The following ARHGAP32 variants were observed in gnomAD, a reference collection of about 807,000 sequenced individuals.
ARHGAP32 encodes rho GTPase-activating protein 32.
In ARHGAP32, 51 loss-of-function variants were observed where a neutral mutation model predicts 186.5. The observed-to-expected ratio is 0.27, with a 90% CI of 0.22 to 0.35. The LOEUF (loss-of-function observed/expected upper bound fraction) is 0.35, where lower values mean the gene tolerates loss of function less well. Among genes scored for constraint, ARHGAP32 ranks in the 10% least tolerant of loss-of-function variants. The probability of loss-of-function intolerance (pLI) is 1.00; values close to 1 mark genes in which losing one functional copy is unlikely to be tolerated. For synonymous variants in ARHGAP32, 950 were observed against 964.3 expected (o/e 0.99, Z 0.27); for missense variants, 2,186 against 2,623.5 (o/e 0.83, Z 3.64).
intron 1 of ARHGAP32, among the ~76,000 whole-genome samples, chr11:129,183,232 G>A (rs983074704): frequency 6.6e-6 from 1 of 151,944 alleles, no homozygotes; most frequent in East Asian, 1.9e-4. Flanking sequence ...TAATTACTGA[G>A]ACTAAGACTT....
intron 10 of ARHGAP32, among the ~76,000 whole-genome samples, chr11:129,043,381 C>CTTTTTTTTTTT (rs1213682729): frequency 2.9e-5 from 3 of 103,352 alleles, no homozygotes; most frequent in Non-Finnish European, 5.6e-5. Flanking sequence ...TTCTTTTTTT[C>CTTTTTTTTTTT]TTTTTTTTTT....
intron 9 of ARHGAP32, among the ~76,000 whole-genome samples, chr11:129,063,292 G>A (rs1033252951): frequency 1.3e-5 from 2 of 152,026 alleles, no homozygotes; most frequent in Admixed American, 6.6e-5. Flanking sequence ...GCAGTAAAAA[G>A]TTATACTGTT....
At chr11:129,142,527 T>C (rs372530661) in intron 2 of ARHGAP32, among the ~76,000 whole-genome samples, 8 of 152,196 alleles carry the variant, frequency 5.3e-5, no homozygotes, top group African/African-American at 1.9e-4. Context: ...AATACTAAAT[T>C]TGTACTGTCA....
intron 5 of ARHGAP32, among the ~76,000 whole-genome samples, chr11:129,117,982 A>G (rs1942417566): frequency 6.6e-6 from 1 of 152,170 alleles, no homozygotes; most frequent in African/African-American, 2.4e-5. Flanking sequence ...TTTAAACTAC[A>G]TGTGGCTTTA....
At chr11:129,098,302 C>T (rs1057501634) in intron 5 of ARHGAP32, among the ~76,000 whole-genome samples, 1 of 152,138 alleles carries the variant, frequency 6.6e-6, no homozygotes, top group Admixed American at 6.5e-5. Flanking sequence ...TTATAAAAGC[C>T]TGTATTACTG....
chr11:129,094,452 G>A (rs79361731), intron 5 of ARHGAP32, among the ~76,000 whole-genome samples: 1 of 152,100 alleles, frequency 6.6e-6, no homozygotes, highest in East Asian at 1.9e-4. Context: ...ACCAGCTACC[G>A]ACATGTAGAA....
At chr11:129,198,604 T>C (rs1167698789) in intron 1 of ARHGAP32, among the ~76,000 whole-genome samples, 1 of 152,172 alleles carries the variant, frequency 6.6e-6, no homozygotes, top group East Asian at 1.9e-4. Flanking sequence ...TTGGTCTTCC[T>C]TCATCTTCTG....
rs754799526 is a variant in ARHGAP32, at chr11:129,123,694, T to C, written c.360-164A>G. ...CGCACAAATCCTCTTAAAAATACAC[T>C]GAGTCAGATGAGTATTACATTTAGT... On this transcript the variant is annotated intron_variant, in intron 4 of 22. Coordinates refer to ENST00000682385, the MANE Select transcript of ARHGAP32 (RefSeq NM_001378024.1). The surrounding 1 kb of genome is among the most constrained non-coding windows in gnomAD (Gnocchi z 4.6). Among the ~76,000 whole-genome samples the C allele has an allele frequency of 6.6e-6, 1 of 152,120 alleles. No individual in the cohort carries two copies. Among genetic ancestry groups the C allele is most frequent in the Non-Finnish European group, 1.5e-5 (1 of 68,008 alleles).
chr11:129,224,768 CAAAAAAAAAAAA>C (rs57944399), intron 1 of ARHGAP32, among the ~76,000 whole-genome samples: 6 of 104,300 alleles, frequency 5.8e-5, no homozygotes, highest in Admixed American at 3.0e-4. Flanking sequence ...TTGGCTAGAG[CAAAAAAAAAAAA>C]AAAAAAAAAA....
chr11:129,162,322 C>A (rs1033054587), intron 2 of ARHGAP32, among the ~76,000 whole-genome samples: 2 of 152,004 alleles, frequency 1.3e-5, no homozygotes, highest in African/African-American at 4.8e-5. Context: ...ATAAATTACA[C>A]ATAATAATAT....
chr11:129,157,194 G>C (rs984488026), intron 2 of ARHGAP32, among the ~76,000 whole-genome samples: 6 of 152,100 alleles, frequency 3.9e-5, no homozygotes, highest in Admixed American at 3.3e-4. Context: ...ACAACTCCTT[G>C]CCAGCAAGGG....
chr11:129,256,527 G>C (rs920130108), intron 1 of ARHGAP32, among the ~76,000 whole-genome samples: 1 of 152,106 alleles, frequency 6.6e-6, no homozygotes, highest in Non-Finnish European at 1.5e-5. Flanking sequence ...AGTGAGAAAT[G>C]CTACAGGCTA....
intron 1 of ARHGAP32, among the ~76,000 whole-genome samples, chr11:129,204,729 G>C (rs79494215): frequency 0.025 from 3,864 of 152,216 alleles, 160 homozygotes; most frequent in African/African-American, 0.084. Context: ...TAAAGTACTA[G>C]AGACCATTCA....
intron 1 of ARHGAP32, among the ~76,000 whole-genome samples, chr11:129,254,157 T>C (rs373412275): frequency 1.3e-5 from 2 of 152,226 alleles, no homozygotes; most frequent in East Asian, 3.9e-4. Flanking sequence ...TCACCATTTA[T>C]TAATTGAAAG....
At chr11:129,185,617 A>T (rs906841669) in intron 1 of ARHGAP32, among the ~76,000 whole-genome samples, 1 of 152,192 alleles carries the variant, frequency 6.6e-6, no homozygotes. Context: ...TAAAAAAATG[A>T]CACAAATAAT....
At position 128,965,136 on chromosome 11, in the gene ARHGAP32, C is replaced by G. The variant is rs1007169048; in HGVS notation, c.*3771G>C. ...ACATTTGCTTTAAACCACAAGATAT[C>G]TCCATCTCCAGGTACAAAAATCCCT... On this transcript the variant is annotated 3_prime_UTR_variant, in exon 23 of 23. Transcript: ENST00000682385. The G allele has an allele frequency of 6.6e-6, 1 of 152,022 alleles. No individual in the cohort carries two copies. Among genetic ancestry groups the G allele is most frequent in the Non-Finnish European group, 1.5e-5 (1 of 68,022 alleles). The allele number at this position is 152,022 out of a possible 1,614,324, so 9.4% of individuals were successfully genotyped here.
intron 22 of ARHGAP32, chr11:128,972,005 C>A (rs906404646): frequency 6.5e-6 from 1 of 152,846 alleles, no homozygotes; most frequent in Non-Finnish European, 1.5e-5. Flanking sequence ...GACAGTCTTA[C>A]GAATGTTTTG....
At chr11:129,208,225 G>A (rs536477675) in intron 1 of ARHGAP32, among the ~76,000 whole-genome samples, 43 of 152,290 alleles carry the variant, frequency 2.8e-4, no homozygotes, top group African/African-American at 1.0e-3. Context: ...TTCATAAAAT[G>A]CAGGAACATC....
At chr11:129,042,193 C>T (rs553989822) in intron 10 of ARHGAP32, among the ~76,000 whole-genome samples, 3 of 152,246 alleles carry the variant, frequency 2.0e-5, no homozygotes, top group South Asian at 4.1e-4. Context: ...TTCTGTCACC[C>T]AGGCTGGAGT....
Sources: gnomAD v4.1 joint callset for allele counts (sites outside exome capture counted in the v4.1 genomes callset) on GRCh38, gnomAD v4.1.1 for gene constraint, Gnocchi (gnomAD v3.1) non-coding constraint, MANE v1.5 for transcripts, NCBI Gene and HGNC (gene_info 2026-07-23, HGNC 2026-07-21) for gene names.